Variants in CDH23 observed in about 807,000 individuals in gnomAD.
CDH23 encodes cadherin-23.
A neutral mutation model predicts 317.1 loss-of-function variants in CDH23; 189 were observed. The ratio of observed to expected loss-of-function variants is 0.60; its 90% CI spans 0.53 to 0.67. The LOEUF is 0.67. Ranked by LOEUF, CDH23 falls within the 30% of genes least tolerant of loss-of-function variation. The pLI, the probability that CDH23 is intolerant of heterozygous loss-of-function variation, is 0.00. For missense variants in CDH23, 4,401 were observed against 4,592.4 expected (o/e 0.96, Z 1.20); for synonymous variants, 1,839 against 1,876.8 (o/e 0.98, Z 0.52).
chr10:71,617,644 C>A, intron 11 of CDH23: 2 of 551,802 alleles, frequency 3.6e-6, no homozygotes, highest in African/African-American at 2.0e-5. Flanking sequence ...AAGTTACATA[C>A]ATGATCATCA....
intron 3 of CDH23, among the ~76,000 whole-genome samples, chr10:71,502,037 G>A (rs982047855): frequency 6.6e-6 from 1 of 152,202 alleles, no homozygotes; most frequent in African/African-American, 2.4e-5. Flanking sequence ...TATCCCAGGC[G>A]GCCCTCTCCC....
intron 6 of CDH23, among the ~76,000 whole-genome samples, chr10:71,537,569 G>A (rs1355830785): frequency 1.3e-5 from 2 of 152,198 alleles, no homozygotes; most frequent in Non-Finnish European, 2.9e-5. Context: ...GGAATATAAA[G>A]AGCCTTTCTC....
chr10:71,419,812 A>G (rs897745210), intron 1 of CDH23, among the ~76,000 whole-genome samples: 3 of 152,182 alleles, frequency 2.0e-5, no homozygotes, highest in African/African-American at 7.2e-5. Context: ...TTAACAATCA[A>G]AAGTGGGGAC....
chr10:71,809,166 CCTT>C (rs1841833890), intron 60 of CDH23, among the ~76,000 whole-genome samples: 1 of 107,978 alleles, frequency 9.3e-6, no homozygotes, highest in Non-Finnish European at 1.9e-5. Flanking sequence ...TTTTCTTTTT[CCTT>C]TTTTTTTTTT....
chr10:71,564,009 A>T (rs1385286946), intron 6 of CDH23, among the ~76,000 whole-genome samples: 2 of 152,182 alleles, frequency 1.3e-5, no homozygotes, highest in South Asian at 4.1e-4. Flanking sequence ...CATTTTACAG[A>T]TGAGGAAACT....
chr10:71,580,154 G>T (rs187134072), intron 9 of CDH23, among the ~76,000 whole-genome samples: 1 of 152,348 alleles, frequency 6.6e-6, no homozygotes, highest in East Asian at 1.9e-4. Flanking sequence ...AGTCTTCAAA[G>T]ATGGCTCCAG....
chr10:71,513,003 A>T (rs1589152067), intron 6 of CDH23, among the ~76,000 whole-genome samples: 1 of 152,118 alleles, frequency 6.6e-6, no homozygotes, highest in East Asian at 1.9e-4. Flanking sequence ...ATGTCACTTC[A>T]CCTCTCTGTG....
At chr10:71,703,052 C>T (rs1865651495) in intron 24 of CDH23, among the ~76,000 whole-genome samples, 1 of 152,150 alleles carries the variant, frequency 6.6e-6, no homozygotes, top group South Asian at 2.1e-4. Context: ...TCTGCCTCTC[C>T]CATGCCTTCT....
chr10:71,491,563 G>A (rs902776862), intron 3 of CDH23, among the ~76,000 whole-genome samples: 1 of 152,102 alleles, frequency 6.6e-6, no homozygotes. Flanking sequence ...TTCTCTTTTT[G>A]ACCTCAGCAG....
chr10:71,712,587 C>T (rs1317249432), intron 27 of CDH23, 78 bp from the exon 28 acceptor site: 66 of 1,549,698 alleles, frequency 4.3e-5, no homozygotes, highest in Non-Finnish European at 5.5e-5. Context: ...GGCCGGTGCC[C>T]GGGAGTGTGC....
intron 14 of CDH23, among the ~76,000 whole-genome samples, chr10:71,656,661 C>T (rs575831260): frequency 2.0e-5 from 3 of 152,150 alleles, no homozygotes; most frequent in Non-Finnish European, 4.4e-5. Flanking sequence ...GAGGACAGGC[C>T]TCTCCTGGAA....
At chr10:71,689,280 G>A (rs2132702628) in intron 19 of CDH23, among the ~76,000 whole-genome samples, 1 of 152,108 alleles carries the variant, frequency 6.6e-6, no homozygotes, top group East Asian at 1.9e-4. Flanking sequence ...GCCTTCTAAA[G>A]AGAACCTCTG....
chr10:71,738,717 G>A (rs1287624712), intron 35 of CDH23, 70 bp downstream of exon 35: 3 of 1,550,256 alleles, frequency 1.9e-6, no homozygotes, highest in East Asian at 2.3e-5. Flanking sequence ...ACAGCTGGAG[G>A]GGCCTTCTGA....
At chr10:71,436,536 A>C (rs976766912) in intron 1 of CDH23, among the ~76,000 whole-genome samples, 1 of 152,266 alleles carries the variant, frequency 6.6e-6, no homozygotes, top group African/African-American at 2.4e-5. Context: ...TGACTCAGGC[A>C]GACCTGGTCA....
intron 13 of CDH23, 81 bp from the exon 14 acceptor site, chr10:71,646,378 G>A (rs1005925550): frequency 1.3e-6 from 2 of 1,572,644 alleles, no homozygotes; most frequent in African/African-American, 2.7e-5. Flanking sequence ...GCCGGCAAAG[G>A]CATGGAGAGG....
At position 71,446,432 on chromosome 10, in the gene CDH23, C is replaced by T. The variant is rs747663591; in HGVS notation, c.145+37C>T. 7 of 1,588,222 alleles carry T rather than the reference C, an allele frequency of 4.4e-6. 1 individual carries two copies. The South Asian group carries it at 6.6e-5, about 15-fold the overall frequency. ...CATGGGCTGGTGGGCGTGCAGATGG[C>T]CTGGGGTGCAATCCCTTCCCACAAG... On this transcript the variant is annotated intron_variant, in intron 3 of 69. Coordinates refer to ENST00000224721, the MANE Select transcript of CDH23 (RefSeq NM_022124.6).
chr10:71,491,455 C>T (rs114707715), intron 3 of CDH23, among the ~76,000 whole-genome samples: 1,620 of 152,254 alleles, frequency 0.011, 21 homozygotes, highest in African/African-American at 0.032. Context: ...CCCACAGTGA[C>T]CTTAGCCCCA....
chr10:71,603,401 C>T (rs1285647002), intron 9 of CDH23, among the ~76,000 whole-genome samples: 7 of 152,246 alleles, frequency 4.6e-5, no homozygotes, highest in Non-Finnish European at 7.3e-5. Flanking sequence ...GCCCTGACCT[C>T]TCTTGAGTGC....
chr10:71,456,029 C>T (rs940743695), intron 3 of CDH23, among the ~76,000 whole-genome samples: 3 of 151,946 alleles, frequency 2.0e-5, no homozygotes, highest in Non-Finnish European at 4.4e-5. Context: ...CAAGAAGGGG[C>T]GTCCTCCTGG....
Sources: allele counts gnomAD v4.1 joint callset (sites outside exome capture counted in the v4.1 genomes callset), GRCh38; gene constraint gnomAD v4.1.1; transcripts MANE v1.5; gene names NCBI Gene and HGNC (gene_info 2026-07-23, HGNC 2026-07-21).